SNTG1: variants seen among roughly 807,000 people sequenced by gnomAD.
SNTG1 encodes the protein gamma-1-syntrophin.
In SNTG1, 39 loss-of-function variants were observed where a neutral mutation model predicts 74.7. The ratio of observed to expected loss-of-function variants is 0.52; its 90% CI spans 0.40 to 0.68. The LOEUF is 0.68. Ranked by LOEUF, SNTG1 falls within the 30% of genes least tolerant of loss-of-function variation. The probability of loss-of-function intolerance (pLI) is 0.00; values close to 1 mark genes in which losing one functional copy is unlikely to be tolerated. For synonymous variants in SNTG1, 254 were observed against 217.1 expected, an observed-to-expected ratio of 1.17 and a Z score of -1.49; for missense variants, 685 against 609.5, an observed-to-expected ratio of 1.12 and a Z score of -1.30.
chr8:50,154,364 C>T (rs934731772), intron 1 of SNTG1, among the ~76,000 whole-genome samples: 2 of 152,066 alleles, frequency 1.3e-5, no homozygotes, highest in Admixed American at 6.6e-5. Context: ...AATTCCCTGA[C>T]CCCTTGCACT....
chr8:50,498,681 G>C (rs936415982), intron 8 of SNTG1, among the ~76,000 whole-genome samples: 1 of 151,758 alleles, frequency 6.6e-6, no homozygotes, highest in African/African-American at 2.4e-5. Context: ...TGCCACAACG[G>C]TTTTCTCCAA....
intron 2 of SNTG1, among the ~76,000 whole-genome samples, chr8:50,217,450 G>A (rs2084846911): frequency 6.6e-6 from 1 of 151,872 alleles, no homozygotes; most frequent in Non-Finnish European, 1.5e-5. Flanking sequence ...TCACCTATTT[G>A]TACTCTTACT....
chr8:50,322,581 T>G (rs1255860442), intron 2 of SNTG1, among the ~76,000 whole-genome samples: 3 of 152,156 alleles, frequency 2.0e-5, no homozygotes. Flanking sequence ...TTTCTCTAGG[T>G]TTGGAAAGTT....
At chr8:50,307,624 A>C (rs2089955077) in intron 2 of SNTG1, among the ~76,000 whole-genome samples, 1 of 151,814 alleles carries the variant, frequency 6.6e-6, no homozygotes, top group Admixed American at 6.6e-5. Context: ...TCTTCATTTT[A>C]CTTTTCATCA....
chr8:50,449,935 G>A (rs1222341131), intron 6 of SNTG1, among the ~76,000 whole-genome samples: 1 of 152,148 alleles, frequency 6.6e-6, no homozygotes, highest in Non-Finnish European at 1.5e-5. Context: ...GAACAAGGCT[G>A]AAAGATAGGA....
chr8:50,784,105 G>C (rs1196054181), intron 18 of SNTG1, among the ~76,000 whole-genome samples: 1 of 152,174 alleles, frequency 6.6e-6, no homozygotes, highest in Non-Finnish European at 1.5e-5. Flanking sequence ...TAAAAGAGTA[G>C]GAGATCCAGT....
chr8:50,058,816 T>A (rs2130922521), intron 1 of SNTG1, among the ~76,000 whole-genome samples: 1 of 151,996 alleles, frequency 6.6e-6, no homozygotes, highest in East Asian at 1.9e-4. Flanking sequence ...CTTAAGTACA[T>A]CACCTGCATC....
chr8:50,183,915 C>A (rs1241009517), intron 2 of SNTG1, among the ~76,000 whole-genome samples: 1 of 152,132 alleles, frequency 6.6e-6, no homozygotes, highest in African/African-American at 2.4e-5. Context: ...AAAAAAATTA[C>A]TTATCTATTA....
chr8:50,411,320 C>T (rs1160193041), intron 4 of SNTG1, among the ~76,000 whole-genome samples: 7 of 151,734 alleles, frequency 4.6e-5, no homozygotes, highest in East Asian at 2.0e-4. Context: ...TGGTGGCGGG[C>T]GCCTGTAGTG....
intron 17 of SNTG1, 46 bp from the exon 18 acceptor site, chr8:50,751,955 A>G (rs1229537806): frequency 1.8e-6 from 2 of 1,130,002 alleles, no homozygotes; most frequent in Non-Finnish European, 2.5e-6. Context: ...ATTTGAAAGC[A>G]GATATTAATT....
chr8:49,916,208 C>G (rs200367443), intron 1 of SNTG1, among the ~76,000 whole-genome samples: 2 of 131,842 alleles, frequency 1.5e-5, no homozygotes, highest in Non-Finnish European at 3.3e-5. Flanking sequence ...CACACACACA[C>G]AAAAACCCAG....
intron 2 of SNTG1, among the ~76,000 whole-genome samples, chr8:50,385,372 C>T (rs1200032752): frequency 6.6e-6 from 1 of 152,184 alleles, no homozygotes; most frequent in Non-Finnish European, 1.5e-5. Context: ...CTGCAACAAC[C>T]TATTCTTTAC....
intron 12 of SNTG1, among the ~76,000 whole-genome samples, chr8:50,579,894 G>A (rs1040475454): frequency 5.3e-5 from 8 of 152,312 alleles, no homozygotes; most frequent in African/African-American, 1.7e-4. Flanking sequence ...GAAGAGAAAT[G>A]TGGGGTAGGC....
intron 2 of SNTG1, among the ~76,000 whole-genome samples, chr8:50,188,068 C>T (rs549444592): frequency 6.6e-6 from 1 of 152,272 alleles, no homozygotes; most frequent in African/African-American, 2.4e-5. Context: ...CTGACATCAA[C>T]AGAACAGGCC....
chr8:50,052,131 A>C (rs1428464942), intron 1 of SNTG1, among the ~76,000 whole-genome samples: 1 of 152,118 alleles, frequency 6.6e-6, no homozygotes, highest in Non-Finnish European at 1.5e-5. Flanking sequence ...TGGAGGATTC[A>C]TACTATATTT....
intron 1 of SNTG1, among the ~76,000 whole-genome samples, chr8:49,973,440 C>G (rs569949496): frequency 5.9e-5 from 9 of 151,662 alleles, no homozygotes; most frequent in Non-Finnish European, 1.2e-4. Flanking sequence ...GTGCAGCACA[C>G]CAACATGGCA....
At chr8:50,106,348 T>A (rs2080370847) in intron 1 of SNTG1, among the ~76,000 whole-genome samples, 2 of 152,134 alleles carry the variant, frequency 1.3e-5, no homozygotes, top group Non-Finnish European at 1.5e-5. Flanking sequence ...ACCTCCATGA[T>A]CCAATCACTT....
At chr8:50,464,976 A>T (rs112883755) in intron 8 of SNTG1, among the ~76,000 whole-genome samples, 2,456 of 151,620 alleles carry the variant, frequency 0.016, 74 homozygotes, top group African/African-American at 0.057. Flanking sequence ...ATGCTCTGAT[A>T]GACTTTCTCC....
rs1456733076 is a variant in SNTG1, at chr8:50,061,496, A to G, written c.-102-111065A>G. ...CATTTTTAATTGTTTTCCTGCTTTT[A>G]CTTTTACTTATTTCTTCTCCTCTTC... On this transcript the variant is annotated intron_variant, in intron 1 of 18. Transcript: ENST00000642720. Among the ~76,000 whole-genome samples the G allele has an allele frequency of 5.9e-5, 9 of 151,922 alleles. No homozygotes were observed. In the South Asian group the frequency reaches 6.2e-4, roughly 10 times the overall value.
Sources: allele counts gnomAD v4.1 joint callset (sites outside exome capture counted in the v4.1 genomes callset), GRCh38; gene constraint gnomAD v4.1.1; transcripts MANE v1.5; gene names NCBI Gene and HGNC (gene_info 2026-07-23, HGNC 2026-07-21).